The following EXOC1 variants were observed in gnomAD, a reference collection of about 807,000 sequenced individuals.
The protein encoded by EXOC1 is SEC3-like 1.
A neutral mutation model predicts 107.7 loss-of-function variants in EXOC1; 67 were observed. The observed-to-expected ratio is 0.62, with a 90% confidence interval of 0.51 to 0.76. The LOEUF is 0.76. EXOC1 is among the 30% of genes least tolerant of loss of function. The pLI is 0.00. For synonymous variants in EXOC1, 348 were observed against 353.5 expected (o/e 0.98, Z 0.17); for missense variants, 833 against 1,055.7 (o/e 0.79, Z 2.92).
chr4:55,867,658 T>C (rs1217004091), intron 4 of EXOC1, among the ~76,000 whole-genome samples: 1 of 152,182 alleles, frequency 6.6e-6, no homozygotes, highest in Non-Finnish European at 1.5e-5. Context: ...TGTTTAACTT[T>C]TTATAATTTC....
Position 55,868,413 on chromosome 4 carries a change from G to A in EXOC1, c.493G>A (p.Ala165Thr). The change falls in exon 5 of 19, where the codon GCA (alanine) becomes ACA (threonine). Residue 165 changes from alanine (A) to threonine (T), a missense_variant. By Grantham distance (58) the Ala-to-Thr change is moderately conservative (BLOSUM62 0). Transcript: ENST00000381295. ...EVVDEYQELNAREEQDIEIMM... is the reference protein window; with the variant it reads ...EVVDEYQELNTREEQDIEIMM... Reference sequence around the variant, plus strand: ...AGTAGATGAATACCAAGAGTTAAATGCAAGAGAAGAACAGGATATCGAAAT... The same window carrying A: ...AGTAGATGAATACCAAGAGTTAAATACAAGAGAAGAACAGGATATCGAAAT... The A allele has an allele frequency of 6.2e-7, 1 of 1,613,806 alleles. No individual in the cohort carries two copies. Among genetic ancestry groups the A allele is most frequent in the Non-Finnish European group, 8.5e-7 (1 of 1,179,832 alleles).
chr4:55,896,356 C>A (rs1725204036), intron 15 of EXOC1, among the ~76,000 whole-genome samples: 1 of 151,964 alleles, frequency 6.6e-6, no homozygotes, highest in Non-Finnish European at 1.5e-5. Flanking sequence ...AATGGCCAGG[C>A]TGGTCTTGAA....
chr4:55,884,026 C>A (rs2109429946), intron 10 of EXOC1, 98 bp downstream of exon 10: 1 of 832,660 alleles, frequency 1.2e-6, no homozygotes, highest in Non-Finnish European at 1.9e-6. Context: ...GAGGTAGATC[C>A]AGCAGAATTT....
intron 6 of EXOC1, 63 bp from the exon 7 acceptor site, chr4:55,871,038 A>G (rs1722381530): frequency 3.1e-6 from 5 of 1,589,960 alleles, no homozygotes; most frequent in Non-Finnish European, 4.3e-6. Flanking sequence ...AGGACTGAAT[A>G]GCATCTTGCC....
intron 9 of EXOC1, chr4:55,883,023 A>G (rs1177891883): frequency 6.6e-6 from 1 of 152,158 alleles, no homozygotes; most frequent in Non-Finnish European, 1.5e-5. Flanking sequence ...GATAATAAGT[A>G]GAGATGATGA....
Position 55,893,732 on chromosome 4 carries a change from A to C in EXOC1, c.1905A>C (p.Thr635=). 1.2e-6 allele frequency: 2 copies of C among 1,614,082 alleles called. No homozygotes were observed. Among genetic ancestry groups the C allele is most frequent in the Non-Finnish European group, 1.7e-6 (2 of 1,180,008 alleles). ...ACCCTGCTTCTTTCCTAAGTACTAC[A>C]TTGGGAAATGTTTTGGTGACTGTCA... The part of the protein sequence containing the change: ...NVDPASFLST[T]LGNVLVTVKR... Residue 635 remains threonine, a synonymous_variant, in exon 15 of 19, where the codon ACA becomes ACC. Coordinates refer to ENST00000381295, the MANE Select transcript of EXOC1 (RefSeq NM_001024924.2).
chr4:55,904,306 C>G (rs1247112190), intron 18 of EXOC1, 37 bp from the exon 19 acceptor site: 1 of 1,546,886 alleles, frequency 6.5e-7, no homozygotes, highest in Non-Finnish European at 8.7e-7. Context: ...CATATTATTT[C>G]CATTCATAGC....
At chr4:55,858,088 G>A (rs1001194855) in intron 1 of EXOC1, among the ~76,000 whole-genome samples, 2 of 152,102 alleles carry the variant, frequency 1.3e-5, no homozygotes, top group African/African-American at 4.8e-5. Context: ...GTGTGTGTGT[G>A]TATACTTGGT....
chr4:55,891,826 A>G (rs181903391), intron 13 of EXOC1, among the ~76,000 whole-genome samples: 1 of 152,322 alleles, frequency 6.6e-6, no homozygotes, highest in Admixed American at 6.5e-5. Context: ...AATGATAAAT[A>G]AAAGAAAATG....
chr4:55,859,992 G>A (rs865972222), intron 2 of EXOC1, among the ~76,000 whole-genome samples: 1 of 152,266 alleles, frequency 6.6e-6, no homozygotes, highest in South Asian at 2.1e-4. Context: ...AGCTGAGGTG[G>A]GCAGATCGCT....
At chr4:55,857,075 G>A (rs543968812) in intron 1 of EXOC1, among the ~76,000 whole-genome samples, 73 of 150,534 alleles carry the variant, frequency 4.8e-4, no homozygotes, top group South Asian at 1.3e-3. Flanking sequence ...CATACAATAC[G>A]TGGTCTTTTG....
chr4:55,871,729 A>G, intron 7 of EXOC1, 120 bp from the exon 8 acceptor site: 1 of 746,538 alleles, frequency 1.3e-6, no homozygotes, highest in East Asian at 2.7e-5. Context: ...TATCATGTAA[A>G]TGAATACACC....
chr4:55,875,630 T>G, intron 8 of EXOC1: 1 of 985,326 alleles, frequency 1.0e-6, no homozygotes, highest in Non-Finnish European at 1.2e-6. Flanking sequence ...TAATTTTGAG[T>G]CTTGAATCAT....
chr4:55,896,120 T>G (rs1430401749), intron 15 of EXOC1, among the ~76,000 whole-genome samples: 1 of 152,170 alleles, frequency 6.6e-6, no homozygotes, highest in African/African-American at 2.4e-5. Context: ...GTACAGAGAC[T>G]TGAAGTTCAC....
intron 17 of EXOC1, among the ~76,000 whole-genome samples, chr4:55,900,978 TAAGAA>T (rs1354646685): frequency 2.0e-5 from 3 of 152,202 alleles, no homozygotes; most frequent in Admixed American, 6.5e-5. Context: ...TTATAAAACT[TAAGAA>T]CAGACAAATA....
At chr4:55,874,863 CAAATT>C (rs575830173) in intron 8 of EXOC1, among the ~76,000 whole-genome samples, 95 of 152,206 alleles carry the variant, frequency 6.2e-4, no homozygotes, top group Admixed American at 1.6e-3. Flanking sequence ...TGAAAACAGT[CAAATT>C]AAGGCTAATG....
rs10023426 is a variant in EXOC1, at chr4:55,900,004, A to G, written c.2337+120A>G. ...TCATGTGTTGGTGCACAGGGGACTC[A>G]GTTATTGAAGCTGCCAGTGTGCCAG... On this transcript the variant is annotated intron_variant, in intron 17 of 18. Coordinates refer to ENST00000381295, the MANE Select transcript of EXOC1 (RefSeq NM_001024924.2). The G allele has an allele frequency of 2.5e-3, 1,782 of 725,332 alleles. 24 individuals are homozygous for G. In the African/African-American group the frequency reaches 0.027, roughly 11 times the overall value. The allele number at this position is 725,332 out of a possible 1,614,324, so 44.9% of individuals were successfully genotyped here. A position where few individuals can be genotyped will look rare whatever the true frequency, so the allele number is the denominator to read the frequency against.
rs576591526 is a variant in EXOC1 at position 55,877,033 on chromosome 4, A to G, written c.1075-884A>G. The G allele has an allele frequency of 1.6e-5, 16 of 984,716 alleles. No homozygotes were observed. In the African/African-American group the frequency reaches 2.8e-4, roughly 17 times the overall value. The allele number at this position is 984,716 out of a possible 1,614,324, so 61.0% of individuals were successfully genotyped here. ...TCCTTCTGAATAGTCTGTATTTAAA[A>G]GAAAATTTTTTAAAATTCATAACCA... On this transcript the variant is annotated intron_variant, in intron 8 of 18. Coordinates refer to ENST00000381295, the MANE Select transcript of EXOC1 (RefSeq NM_001024924.2).
chr4:55,902,166 A>G (rs1035029946), intron 17 of EXOC1, 178 bp from the exon 18 acceptor site: 17 of 413,712 alleles, frequency 4.1e-5, no homozygotes, highest in Non-Finnish European at 7.2e-5. Flanking sequence ...AAGGAACTCT[A>G]CAATATTAAC....
Sources: allele counts gnomAD v4.1 joint callset (sites outside exome capture counted in the v4.1 genomes callset), GRCh38; gene constraint gnomAD v4.1.1; transcripts MANE v1.5; gene names NCBI Gene and HGNC (gene_info 2026-07-23, HGNC 2026-07-21).